The following ZFP82 variants were observed in gnomAD, a reference collection of about 807,000 sequenced individuals.
ZFP82 encodes the protein ZFP82 zinc finger protein, also known as zinc finger protein 82 homolog.
A neutral mutation model predicts 54.0 loss-of-function variants in ZFP82; 30 were observed. The ratio of observed to expected loss-of-function variants is 0.56; its 90% CI spans 0.42 to 0.75. The LOEUF (loss-of-function observed/expected upper bound fraction) is 0.75, where lower values mean the gene tolerates loss of function less well. Among genes scored for constraint, ZFP82 ranks in the 30% least tolerant of loss-of-function variants. ZFP82 has a pLI of 0.00. For synonymous variants in ZFP82, 194 were observed against 209.5 expected (o/e 0.93, Z 0.64); for missense variants, 500 against 636.8 (o/e 0.79, Z 2.31).
intron 4 of ZFP82, 118 bp downstream of exon 4, chr19:36,405,462 C>T (rs1160039935): frequency 4.7e-6 from 3 of 641,040 alleles, no homozygotes; most frequent in Non-Finnish European, 7.6e-6. Context: ...ACAGACCTTT[C>T]CTCCTTGGGC....
chr19:36,401,693 G>T (rs992026208), intron 4 of ZFP82, among the ~76,000 whole-genome samples: 3 of 152,164 alleles, frequency 2.0e-5, no homozygotes, highest in Non-Finnish European at 4.4e-5. Flanking sequence ...GCAGCCCGTG[G>T]CTTTCAATTT....
intron 4 of ZFP82, among the ~76,000 whole-genome samples, chr19:36,403,391 C>CTGAGGT (rs2032425939): frequency 4.2e-5 from 4 of 94,768 alleles, no homozygotes; most frequent in South Asian, 3.3e-4. Context: ...TGGGATCCAG[C>CTGAGGT]GGGTGGATCA....
At chr19:36,412,617 T>C (rs2032599811) in intron 1 of ZFP82, among the ~76,000 whole-genome samples, 1 of 152,242 alleles carries the variant, frequency 6.6e-6, no homozygotes, top group African/African-American at 2.4e-5. Flanking sequence ...ACCAAGCTTT[T>C]GTTTTGTTTC....
chr19:36,388,724 T>C lies in ZFP82; in HGVS notation c.*4017A>G, dbSNP rs2032144936. On this transcript the variant is annotated 3_prime_UTR_variant, in exon 5 of 5. Transcript: ENST00000392161. ...TTTCAAAGAGAATATCCTTAGTCTG[T>C]TATTTTATTAACTATTCCATTAATT... 6.6e-6 allele frequency among the ~76,000 whole-genome samples: 1 copy of C among 152,192 alleles called. No individual in the cohort carries two copies. Among genetic ancestry groups the C allele is most frequent in the East Asian group, 1.9e-4 (1 of 5,202 alleles).
intron 4 of ZFP82, among the ~76,000 whole-genome samples, chr19:36,402,277 G>A (rs1445377876): frequency 6.6e-6 from 1 of 151,740 alleles, no homozygotes; most frequent in Non-Finnish European, 1.5e-5. Context: ...GACCATCCTG[G>A]CTAACACGGT....
At chr19:36,384,957 G>T (rs1455573987), downstream of ZFP82, among the ~76,000 whole-genome samples, 3 of 152,166 alleles carry the variant, frequency 2.0e-5, no homozygotes, top group Non-Finnish European at 4.4e-5. Context: ...ACATTACAGA[G>T]ATTTGGTTAA....
At chr19:36,397,794 G>A (rs1047544113) in intron 4 of ZFP82, among the ~76,000 whole-genome samples, 1 of 151,788 alleles carries the variant, frequency 6.6e-6, no homozygotes, top group Non-Finnish European at 1.5e-5. Flanking sequence ...CACCATCTTG[G>A]CCAGGCTGGT....
At chr19:36,400,728 T>G (rs1475824661) in intron 4 of ZFP82, among the ~76,000 whole-genome samples, 1 of 152,202 alleles carries the variant, frequency 6.6e-6, no homozygotes, top group Admixed American at 6.5e-5. Flanking sequence ...ATCATTCCTA[T>G]GAGCACACAA....
Position 36,393,500 on chromosome 19 carries a change from T to C in ZFP82, c.840A>G (p.Lys280=). 1.9e-6 allele frequency: 3 copies of C among 1,614,022 alleles called. No individual in the cohort carries two copies. The highest frequency in any genetic ancestry group is 2.5e-6 in the Non-Finnish European group (3 of 1,180,008). The change falls in exon 5 of 5, where the codon AAA becomes AAG. Residue 280 remains lysine (K), a synonymous_variant. Coordinates refer to ENST00000392161, the MANE Select transcript of ZFP82 (RefSeq NM_133466.4). ...TTCCACACTCTTTACACACATAGGG[T>C]TTCTCACCAGTATGAATCCTCTGAT... ...TLHQRIHTGE[K]PYVCKECGKA... is the part of the protein sequence containing the mutation.
At chr19:36,402,230 A>G (rs2032397051) in intron 4 of ZFP82, among the ~76,000 whole-genome samples, 2 of 152,188 alleles carry the variant, frequency 1.3e-5, no homozygotes, top group African/African-American at 4.8e-5. Context: ...GCACTTTGGG[A>G]AGCCAAGGTG....
intron 2 of ZFP82, 77 bp downstream of exon 2, chr19:36,409,704 G>T: frequency 1.3e-6 from 2 of 1,506,232 alleles, no homozygotes; most frequent in Non-Finnish European, 1.8e-6. Context: ...AGCTCTGATA[G>T]TAAGGAAGTT....
intron 1 of ZFP82, among the ~76,000 whole-genome samples, chr19:36,414,613 C>T (rs916196119): frequency 9.9e-5 from 15 of 151,540 alleles, no homozygotes; most frequent in Admixed American, 3.3e-4. Context: ...CTGCCTGCCT[C>T]GGCCTCCCAA....
chr19:36,417,009 G>A (rs967628745), intron 1 of ZFP82, among the ~76,000 whole-genome samples: 2 of 105,484 alleles, frequency 1.9e-5, no homozygotes, highest in African/African-American at 6.1e-5. Flanking sequence ...GGAAAGGGAG[G>A]TTGCAGTGAG....
intron 1 of ZFP82, among the ~76,000 whole-genome samples, chr19:36,415,284 G>C (rs73608372): frequency 0.019 from 2,852 of 152,258 alleles, 99 homozygotes; most frequent in African/African-American, 0.066. Context: ...GTGAGACTAC[G>C]GGCAACTTAA....
chr19:36,408,733 G>A (rs59988395), intron 2 of ZFP82, among the ~76,000 whole-genome samples: 3,072 of 152,012 alleles, frequency 0.02, 101 homozygotes, highest in African/African-American at 0.066. Context: ...CAGGAGAATC[G>A]CTTGAATCCA....
downstream of ZFP82, among the ~76,000 whole-genome samples, chr19:36,387,454 T>C (rs538826870): frequency 1.2e-4 from 18 of 152,314 alleles, no homozygotes; most frequent in East Asian, 3.5e-3. Context: ...AAAGATGAGT[T>C]GGGCTCCCTC....
At chr19:36,412,830 A>G (rs1458616514) in intron 1 of ZFP82, among the ~76,000 whole-genome samples, 1 of 152,202 alleles carries the variant, frequency 6.6e-6, no homozygotes, top group Non-Finnish European at 1.5e-5. Context: ...TCTGCTTCCC[A>G]TGACCTCTCA....
rs1397750840 is a variant in ZFP82 at position 36,408,826 on chromosome 19, AC to A, written c.10-814del. Among the ~76,000 whole-genome samples the A allele has an allele frequency of 1.1e-4, 16 of 152,294 alleles. No individual in the cohort carries two copies. In the South Asian group the frequency reaches 3.1e-3, roughly 30 times the overall value. The stretch of plus-strand genomic sequence containing the variant: ...GAACAAAACTCCGTCTCAAAAAAAA[AC>A]AAACAAAAATTGGTTATATAATAGT... On this transcript the variant is annotated intron_variant, in intron 2 of 4. Transcript: ENST00000392161.
chr19:36,400,624 C>A (rs1280156485), intron 4 of ZFP82, among the ~76,000 whole-genome samples: 1 of 152,178 alleles, frequency 6.6e-6, no homozygotes, highest in Non-Finnish European at 1.5e-5. Flanking sequence ...CTGTTTTTCC[C>A]TTTTATTCCC....
Sources: gnomAD v4.1 joint callset for allele counts (sites outside exome capture counted in the v4.1 genomes callset) on GRCh38, gnomAD v4.1.1 for gene constraint, MANE v1.5 for transcripts, NCBI Gene and HGNC (gene_info 2026-07-23, HGNC 2026-07-21) for gene names.